ATRNL1: variants seen among roughly 807,000 people sequenced by gnomAD.
ATRNL1 encodes the protein attractin like 1, also known as attractin-like protein 1.
A neutral mutation model predicts 182.7 loss-of-function variants in ATRNL1; 95 were observed. The ratio of observed to expected loss-of-function variants is 0.52; its 90% CI spans 0.44 to 0.62. The LOEUF (loss-of-function observed/expected upper bound fraction) is 0.62. ATRNL1 is among the 20% of genes least tolerant of loss of function. The pLI, the probability that ATRNL1 is intolerant of heterozygous loss-of-function variation, is 0.00. For missense variants in ATRNL1, 1,471 were observed against 1,679.5 expected (o/e 0.88, Z 2.17); for synonymous variants, 576 against 568.3 (o/e 1.01, Z -0.19).
At chr10:115,315,399 A>T (rs959570318) in intron 17 of ATRNL1, 119 bp from the exon 18 acceptor site, 1 of 678,130 alleles carries the variant, frequency 1.5e-6, no homozygotes, top group East Asian at 2.7e-5. Flanking sequence ...AAATGTTTGC[A>T]TTAACTATAG....
intron 27 of ATRNL1, among the ~76,000 whole-genome samples, chr10:115,791,533 A>G (rs951917654): frequency 6.6e-6 from 1 of 152,134 alleles, no homozygotes; most frequent in African/African-American, 2.4e-5. Flanking sequence ...TCAATTATGT[A>G]TATTTGTGAA....
chr10:115,781,648 C>T (rs1593208101), intron 27 of ATRNL1, among the ~76,000 whole-genome samples: 1 of 152,092 alleles, frequency 6.6e-6, no homozygotes, highest in East Asian at 1.9e-4. Flanking sequence ...AGTTGTTACC[C>T]TTGGGAATGT....
intron 3 of ATRNL1, among the ~76,000 whole-genome samples, chr10:115,125,206 A>T (rs1564753269): frequency 6.6e-6 from 1 of 152,232 alleles, no homozygotes; most frequent in Non-Finnish European, 1.5e-5. Flanking sequence ...GCCAATGTAC[A>T]GGAGTTCTTT....
At chr10:115,115,917 C>A (rs550459440) in intron 1 of ATRNL1, among the ~76,000 whole-genome samples, 2 of 152,062 alleles carry the variant, frequency 1.3e-5, no homozygotes, top group Admixed American at 1.3e-4. Flanking sequence ...TTATTAGTGG[C>A]CAACCTTGTG....
At chr10:115,415,221 A>T (rs905193545) in intron 20 of ATRNL1, among the ~76,000 whole-genome samples, 5 of 152,022 alleles carry the variant, frequency 3.3e-5, no homozygotes, top group Non-Finnish European at 7.4e-5. Flanking sequence ...ATGCATCTGA[A>T]ATTTTGCCAG....
chr10:115,425,557 C>G (rs559002137), intron 20 of ATRNL1, among the ~76,000 whole-genome samples: 41 of 152,050 alleles, frequency 2.7e-4, no homozygotes, highest in African/African-American at 8.9e-4. Flanking sequence ...TTTTCTCCCA[C>G]TGCTGTAGTT....
intron 28 of ATRNL1, among the ~76,000 whole-genome samples, chr10:115,925,931 C>T (rs1158117556): frequency 6.6e-6 from 1 of 152,162 alleles, no homozygotes; most frequent in Non-Finnish European, 1.5e-5. Flanking sequence ...ATCTACAGAA[C>T]TCTCCACCCC....
At chr10:115,700,318 G>A (rs1593088615) in intron 26 of ATRNL1, among the ~76,000 whole-genome samples, 1 of 152,224 alleles carries the variant, frequency 6.6e-6, no homozygotes, top group Non-Finnish European at 1.5e-5. Context: ...CTGTGTAAGT[G>A]TTTCTTTTTC....
intron 26 of ATRNL1, among the ~76,000 whole-genome samples, chr10:115,557,789 G>A (rs1230387672): frequency 6.6e-6 from 1 of 152,142 alleles, no homozygotes; most frequent in East Asian, 1.9e-4. Flanking sequence ...GCTCATGCCT[G>A]TAATCCCGAC....
intron 18 of ATRNL1, among the ~76,000 whole-genome samples, chr10:115,318,970 T>G (rs1014401337): frequency 2.0e-5 from 3 of 152,124 alleles, no homozygotes; most frequent in Non-Finnish European, 1.5e-5. Context: ...TCTAGTTCTT[T>G]TAGTTGTGAT....
intron 24 of ATRNL1, among the ~76,000 whole-genome samples, chr10:115,475,203 G>A (rs1848477413): frequency 6.6e-6 from 1 of 151,280 alleles, no homozygotes; most frequent in South Asian, 2.1e-4. Context: ...TGTTTTTAAT[G>A]TTTTTTTCAT....
intron 24 of ATRNL1, among the ~76,000 whole-genome samples, chr10:115,515,952 A>C (rs1323192258): frequency 6.6e-6 from 1 of 151,664 alleles, no homozygotes; most frequent in African/African-American, 2.4e-5. Flanking sequence ...TCTTTTTTTT[A>C]AGCTCTAATG....
At chr10:115,713,705 C>CTATT (rs1555055340) in intron 26 of ATRNL1, among the ~76,000 whole-genome samples, 29 of 101,298 alleles carry the variant, frequency 2.9e-4, no homozygotes, top group African/African-American at 9.1e-4. Context: ...ATCTATCTAT[C>CTATT]ATCTATCTAT....
At chr10:115,625,429 C>A (rs550721913) in intron 26 of ATRNL1, among the ~76,000 whole-genome samples, 1 of 152,214 alleles carries the variant, frequency 6.6e-6, no homozygotes, top group East Asian at 1.9e-4. Context: ...CTATTAATTT[C>A]TTGGCATAGT....
chr10:115,756,535 G>A (rs1269941957), intron 27 of ATRNL1, among the ~76,000 whole-genome samples: 1 of 151,850 alleles, frequency 6.6e-6, no homozygotes, highest in East Asian at 1.9e-4. Context: ...GAAACTGTTT[G>A]TCATGATCCG....
intron 19 of ATRNL1, among the ~76,000 whole-genome samples, chr10:115,384,613 A>T (rs532268239): frequency 1.6e-4 from 24 of 152,092 alleles, no homozygotes; most frequent in Admixed American, 1.2e-3. Flanking sequence ...TTTGAATTTC[A>T]TGAAATTTTC....
intron 28 of ATRNL1, among the ~76,000 whole-genome samples, chr10:115,901,836 G>A (rs116302498): frequency 0.014 from 2,051 of 151,054 alleles, 35 homozygotes; most frequent in African/African-American, 0.046. Context: ...TTTTTGACTC[G>A]GTAATCATGA....
chr10:115,824,588 C>T (rs567474361), intron 27 of ATRNL1, among the ~76,000 whole-genome samples: 2 of 151,684 alleles, frequency 1.3e-5, no homozygotes, highest in Non-Finnish European at 2.9e-5. Flanking sequence ...AAAAAAAAAC[C>T]CCATCAAAAA....
At chr10:115,424,676 A>G (rs1845802499) in intron 20 of ATRNL1, among the ~76,000 whole-genome samples, 1 of 152,184 alleles carries the variant, frequency 6.6e-6, no homozygotes, top group African/African-American at 2.4e-5. Flanking sequence ...TAAGCACAGA[A>G]GAAAAATACT....
Sources: gnomAD v4.1 joint callset for allele counts (sites outside exome capture counted in the v4.1 genomes callset) on GRCh38, gnomAD v4.1.1 for gene constraint, MANE v1.5 for transcripts, NCBI Gene and HGNC (gene_info 2026-07-23, HGNC 2026-07-21) for gene names.